The following SASH1 variants were observed in gnomAD, a reference collection of about 807,000 sequenced individuals.
SASH1 encodes SAM and SH3 domain containing 1.
A neutral mutation model predicts 125.2 loss-of-function variants in SASH1; 44 were observed. The ratio of observed to expected loss-of-function variants is 0.35; its 90% confidence interval spans 0.28 to 0.45. SASH1 has a LOEUF of 0.45. Ranked by LOEUF, SASH1 falls within the 20% of genes least tolerant of loss-of-function variation. SASH1 has a pLI of 1.00. For synonymous variants in SASH1, 639 were observed against 649.1 expected (o/e 0.98, Z 0.24); for missense variants, 1,426 against 1,614.5 (o/e 0.88, Z 2.00).
chr6:148,438,793 C>G (rs1343940355), intron 2 of SASH1, among the ~76,000 whole-genome samples: 1 of 151,474 alleles, frequency 6.6e-6, no homozygotes, highest in Non-Finnish European at 1.5e-5. Flanking sequence ...ATTCACACTC[C>G]CAACAGTTTA....
At chr6:148,236,101 G>T in the SASH1 span, among the ~76,000 whole-genome samples, 1 of 152,182 alleles carries the variant, frequency 6.6e-6, no homozygotes, top group Admixed American at 6.5e-5. Flanking sequence ...GCAAGGAGGG[G>T]TGTGGGTAGG....
the SASH1 span, among the ~76,000 whole-genome samples, chr6:148,240,885 T>C: frequency 6.6e-5 from 10 of 152,212 alleles, no homozygotes; most frequent in African/African-American, 2.4e-4. Context: ...AAATATCTTC[T>C]TGCTGGGTTT....
chr6:148,325,040 A>G (rs4518523), intron 1 of SASH1, among the ~76,000 whole-genome samples: 102,940 of 152,052 alleles, frequency 0.68, 35,404 homozygotes, highest in East Asian at 0.87. Flanking sequence ...TAGAACCTCA[A>G]TTCCATCCTT....
In SASH1 at chr6:148,436,979, G is replaced by A. The variant is rs576953218; in HGVS notation, c.286-3205G>A. On this transcript the variant is annotated intron_variant, in intron 2 of 19. Transcript: ENST00000367467. ...ATATTTACACATATACTCAATGATTGTTTTGATGAGGTTCACAATGTTTAC... is the reference window on the plus strand; with the variant it reads ...ATATTTACACATATACTCAATGATTATTTTGATGAGGTTCACAATGTTTAC... Among the ~76,000 whole-genome samples the A allele has an allele frequency of 2.6e-5, 4 of 152,266 alleles. No individual in the cohort carries two copies. In the East Asian group the frequency reaches 5.8e-4, roughly 22 times the overall value.
At chr6:148,215,434 T>C in the SASH1 span, among the ~76,000 whole-genome samples, 2 of 152,190 alleles carry the variant, frequency 1.3e-5, no homozygotes, top group African/African-American at 4.8e-5. Context: ...TAAGACCTAA[T>C]ATGTTTAAAT....
intron 4 of SASH1, among the ~76,000 whole-genome samples, chr6:148,454,002 G>A (rs1583186845): frequency 1.3e-5 from 2 of 152,204 alleles, no homozygotes; most frequent in African/African-American, 4.8e-5. Flanking sequence ...GGTACAGCCT[G>A]AAGTCAGCAG....
At chr6:148,224,404 G>C in the SASH1 span, among the ~76,000 whole-genome samples, 1 of 151,474 alleles carries the variant, frequency 6.6e-6, no homozygotes, top group African/African-American at 2.4e-5. Context: ...TCTGTTGCCC[G>C]GGCTGGAGTG....
At chr6:148,279,633 G>A (rs1415721393) in intron 1 of SASH1, among the ~76,000 whole-genome samples, 2 of 152,118 alleles carry the variant, frequency 1.3e-5, no homozygotes, top group Admixed American at 1.3e-4. Context: ...GGGTAAATTA[G>A]AGTTATGACT....
chr6:148,242,506 C>A, the SASH1 span, among the ~76,000 whole-genome samples: 16 of 152,316 alleles, frequency 1.1e-4, no homozygotes, highest in African/African-American at 3.6e-4. Context: ...TTCAATCTTT[C>A]TCAAGGCCAA....
intron 1 of SASH1, among the ~76,000 whole-genome samples, chr6:148,349,426 G>T (rs1032947202): frequency 2.6e-5 from 4 of 151,722 alleles, no homozygotes; most frequent in Non-Finnish European, 5.9e-5. Context: ...ACCATGCCCG[G>T]CTAATTTTTG....
Position 148,519,445 on chromosome 6 carries a change from A to G in SASH1, c.863-102A>G, listed in dbSNP as rs1780659980. On this transcript the variant is annotated intron_variant, in intron 9 of 19. Transcript: ENST00000367467. This position sits in a 1 kb window ranked among gnomAD's most constrained non-coding sequence, Gnocchi z 4.8. ...ACATATGTAAGTGGGAGCTGGGTTTATAAAGAGGGTCATGATACGGAGAAA... is the reference window on the plus strand; with the variant it reads ...ACATATGTAAGTGGGAGCTGGGTTTGTAAAGAGGGTCATGATACGGAGAAA... 3.7e-6 allele frequency: 3 copies of G among 819,052 alleles called. No homozygotes were observed. Among genetic ancestry groups the G allele is most frequent in the African/African-American group, 1.7e-5 (1 of 58,212 alleles). The allele number at this position is 819,052 out of a possible 1,614,324, so 50.7% of individuals were successfully genotyped here. A position where few individuals can be genotyped will look rare whatever the true frequency, so the allele number is the denominator to read the frequency against.
chr6:148,243,934 C>G, the SASH1 span, among the ~76,000 whole-genome samples: 1 of 152,092 alleles, frequency 6.6e-6, no homozygotes, highest in Non-Finnish European at 1.5e-5. Context: ...CCTGGCCCAC[C>G]TGGCCAGGAT....
At chr6:148,503,916 T>G (rs1480185295) in intron 8 of SASH1, among the ~76,000 whole-genome samples, 1 of 152,234 alleles carries the variant, frequency 6.6e-6, no homozygotes, top group East Asian at 1.9e-4. Context: ...TACTACTTTG[T>G]GCATTTTTGC....
chr6:148,461,258 G>A (rs1281249375), intron 4 of SASH1, among the ~76,000 whole-genome samples: 3 of 152,122 alleles, frequency 2.0e-5, no homozygotes, highest in African/African-American at 7.2e-5. Flanking sequence ...CCATTGTCTT[G>A]GTTTTGGTAT....
chr6:148,351,516 C>T (rs1781730091), intron 1 of SASH1, among the ~76,000 whole-genome samples: 1 of 151,886 alleles, frequency 6.6e-6, no homozygotes, highest in Non-Finnish European at 1.5e-5. Context: ...TTGTGGCTTC[C>T]TTCTTTCTCC....
At chr6:148,307,970 T>C (rs1416484409) in intron 1 of SASH1, among the ~76,000 whole-genome samples, 2 of 152,130 alleles carry the variant, frequency 1.3e-5, no homozygotes, top group African/African-American at 4.8e-5. Flanking sequence ...TATGGTAATA[T>C]GAGGGCAGAA....
the SASH1 span, among the ~76,000 whole-genome samples, chr6:148,242,280 T>C: frequency 7.2e-3 from 1,099 of 152,352 alleles, 7 homozygotes; most frequent in Middle Eastern, 0.017. Flanking sequence ...GGAAAATATG[T>C]GAACGACTTC....
chr6:148,488,620 T>G (rs1430086312), intron 8 of SASH1, among the ~76,000 whole-genome samples: 3 of 152,260 alleles, frequency 2.0e-5, no homozygotes, highest in African/African-American at 4.8e-5. Flanking sequence ...CTGCCAACAA[T>G]GTACAAAAGT....
intron 1 of SASH1, among the ~76,000 whole-genome samples, chr6:148,373,416 G>T (rs534437608): frequency 6.6e-6 from 1 of 152,216 alleles, no homozygotes; most frequent in East Asian, 1.9e-4. Context: ...GGCCAGTGTG[G>T]CTGGGGCAGT....
Sources: gnomAD v4.1 joint callset for allele counts (sites outside exome capture counted in the v4.1 genomes callset) on GRCh38, gnomAD v4.1.1 for gene constraint, Gnocchi (gnomAD v3.1) non-coding constraint, MANE v1.5 for transcripts, NCBI Gene and HGNC (gene_info 2026-07-23, HGNC 2026-07-21) for gene names.